The following LINC00632 variants were observed in gnomAD, a reference collection of about 807,000 sequenced individuals.
LINC00632 encodes ALDOA related specific transcript.
intron 2 of LINC00632, among the ~76,000 whole-genome samples, chrX:140,730,590 C>G (rs1931041247): frequency 9.1e-6 from 1 of 109,597 alleles, no homozygotes; most frequent in Non-Finnish European, 1.9e-5. Flanking sequence ...TATCATGATG[C>G]GGAACAGGCA....
intron 3 of LINC00632, chrX:140,764,736 C>T (rs1277120329): frequency 8.9e-6 from 1 of 111,993 alleles, no homozygotes; most frequent in African/African-American, 3.2e-5. Context: ...TTTAACCAAG[C>T]TTGTTTCCCT....
intron 3 of LINC00632, among the ~76,000 whole-genome samples, chrX:140,761,687 T>C (rs762117028): frequency 8.9e-6 from 1 of 112,822 alleles, no homozygotes; most frequent in African/African-American, 3.2e-5. Context: ...AATTTATGTG[T>C]CGTGCATCAT....
chrX:140,769,672 C>G (rs995131946), intron 3 of LINC00632, among the ~76,000 whole-genome samples: 1 of 111,266 alleles, frequency 9.0e-6, no homozygotes, highest in East Asian at 2.8e-4. Flanking sequence ...TATGATTTGC[C>G]TCAACAAATC....
At chrX:140,737,307 TTC>T (rs983161701) in intron 3 of LINC00632, among the ~76,000 whole-genome samples, 1 of 112,170 alleles carries the variant, frequency 8.9e-6, no homozygotes, top group Non-Finnish European at 1.9e-5. Context: ...ATTACATAAT[TTC>T]TTATTTAATT....
intron 3 of LINC00632, among the ~76,000 whole-genome samples, chrX:140,743,958 A>G (rs948918955): frequency 2.7e-5 from 3 of 111,885 alleles, no homozygotes; most frequent in Non-Finnish European, 5.6e-5. Flanking sequence ...TTTAGGAGTG[A>G]GCATTCATGA....
intron 3 of LINC00632, among the ~76,000 whole-genome samples, chrX:140,771,612 TACACACACACAC>T (rs77229499): frequency 3.0e-4 from 24 of 79,718 alleles, no homozygotes; most frequent in African/African-American, 5.7e-4. Context: ...TTGGCATATA[TACACACACACAC>T]ACACACACAC....
At chrX:140,711,662 A>T (rs180998884) in intron 2 of LINC00632, 2 of 307,545 alleles carry the variant, frequency 6.5e-6, no homozygotes, top group Admixed American at 7.4e-5. Flanking sequence ...AAATGGTATG[A>T]AACAATTTAA....
At chrX:140,748,887 A>AT (rs35170276) in intron 3 of LINC00632, among the ~76,000 whole-genome samples, 51 of 101,521 alleles carry the variant, frequency 5.0e-4, no homozygotes, top group African/African-American at 1.5e-3. Context: ...AAAAATATAT[A>AT]AAATAAAATA....
intron 3 of LINC00632, among the ~76,000 whole-genome samples, chrX:140,755,286 T>C (rs750141529): frequency 8.9e-6 from 1 of 111,854 alleles, no homozygotes; most frequent in Admixed American, 9.5e-5. Context: ...AAAGCTCCAG[T>C]AAATAATCCT....
exon 5 of LINC00632, chrX:140,782,570 A>G (rs1392307337): frequency 8.9e-6 from 1 of 112,000 alleles, no homozygotes; most frequent in East Asian, 2.8e-4. Flanking sequence ...TCCTATATAC[A>G]GGTCTTCTAG....
At chrX:140,719,040 CA>C (rs772283516) in intron 2 of LINC00632, among the ~76,000 whole-genome samples, 21 of 112,182 alleles carry the variant, frequency 1.9e-4, no homozygotes, top group African/African-American at 6.8e-4. Flanking sequence ...CTACAATTAA[CA>C]GACAAGAAAC....
intron 3 of LINC00632, among the ~76,000 whole-genome samples, chrX:140,761,857 T>G (rs28385419): frequency 0.018 from 2,051 of 111,837 alleles, 42 homozygotes; most frequent in African/African-American, 0.062. Flanking sequence ...AAAATAAATG[T>G]CCTTGTGGCA....
At chrX:140,742,850 A>AGAGC (rs1931248004) in intron 3 of LINC00632, among the ~76,000 whole-genome samples, 3 of 84,003 alleles carry the variant, frequency 3.6e-5, no homozygotes, top group Non-Finnish European at 4.9e-5. Flanking sequence ...AGAGAGAGAG[A>AGAGC]GAGAGAGAGA....
chrX:140,780,744 A>G lies in LINC00632; in HGVS notation n.8763A>G, dbSNP rs1250407865. Among the ~76,000 whole-genome samples the G allele has an allele frequency of 6.3e-5, 7 of 111,669 alleles. No individual in the cohort carries two copies. In the Admixed American group the frequency reaches 6.7e-4, roughly 11 times the overall value. On this transcript the variant is annotated non_coding_transcript_exon_variant, in exon 5 of 5. Coordinates refer to ENST00000648200, the Ensembl canonical transcript of LINC00632. ...TTCTGAACTTCTTTGAATTTCATGT[A>G]TTCTATGATGGCATTCAAGAAGTTT...
chrX:140,748,652 T>A (rs1931363103), intron 3 of LINC00632, among the ~76,000 whole-genome samples: 2 of 110,603 alleles, frequency 1.8e-5, no homozygotes, highest in African/African-American at 6.5e-5. Context: ...AGTTGGGTGA[T>A]CTTTATCTCA....
chrX:140,759,686 C>G (rs192450426), intron 3 of LINC00632, among the ~76,000 whole-genome samples: 1 of 110,917 alleles, frequency 9.0e-6, no homozygotes, highest in African/African-American at 3.3e-5. Flanking sequence ...CACCTATGAG[C>G]CCAGCATTAA....
intron 2 of LINC00632, among the ~76,000 whole-genome samples, chrX:140,730,407 C>T: frequency 9.0e-6 from 1 of 110,741 alleles, no homozygotes; most frequent in Non-Finnish European, 1.9e-5. Flanking sequence ...AGAGACTTCC[C>T]TTGTAACAAA....
intron 2 of LINC00632, among the ~76,000 whole-genome samples, chrX:140,721,391 T>G (rs958189004): frequency 1.8e-5 from 2 of 111,428 alleles, no homozygotes; most frequent in Non-Finnish European, 3.8e-5. Context: ...TTCCACGGAC[T>G]GGGGGTGAGG....
At chrX:140,725,547 A>G (rs1035558478) in intron 2 of LINC00632, among the ~76,000 whole-genome samples, 3 of 100,712 alleles carry the variant, frequency 3.0e-5, no homozygotes, top group Admixed American at 1.1e-4. Flanking sequence ...GATTGTCTCC[A>G]TCATATGCAC....
Sources: gnomAD v4.1 joint callset for allele counts (sites outside exome capture counted in the v4.1 genomes callset) on GRCh38, gnomAD v4.1.1 for gene constraint, MANE v1.5 for transcripts, NCBI Gene and HGNC (gene_info 2026-07-23, HGNC 2026-07-21) for gene names.